The following RANBP2 variants were observed in gnomAD, a reference collection of about 807,000 sequenced individuals.
RANBP2 encodes the protein E3 SUMO-protein ligase RanBP2.
Under a neutral mutation model 303.6 loss-of-function variants are expected in RANBP2, and 57 were observed. That is an observed-to-expected ratio of 0.19 (90% CI 0.15 to 0.23). RANBP2 has a LOEUF of 0.23. Ranked by LOEUF, RANBP2 falls within the 10% of genes least tolerant of loss-of-function variation. RANBP2 has a pLI of 1.00. For missense variants in RANBP2, 3,138 were observed against 3,780.8 expected, an observed-to-expected ratio of 0.83 and a Z score of 4.46; for synonymous variants, 1,167 against 1,301.5, an observed-to-expected ratio of 0.90 and a Z score of 2.23.
At chr2:109,148,528 T>C in the RANBP2 span, among the ~76,000 whole-genome samples, 2 of 152,250 alleles carry the variant, frequency 1.3e-5, no homozygotes, top group Non-Finnish European at 2.9e-5. Flanking sequence ...AGTAATTGGC[T>C]CTGGGGAATA....
At chr2:108,976,163 AC>A in the RANBP2 span, among the ~76,000 whole-genome samples, 1 of 152,098 alleles carries the variant, frequency 6.6e-6, no homozygotes, top group Non-Finnish European at 1.5e-5. Flanking sequence ...ATCCCACTTT[AC>A]ATTTAATCAT....
the RANBP2 span, among the ~76,000 whole-genome samples, chr2:109,620,517 C>T: frequency 6.6e-6 from 1 of 152,288 alleles, no homozygotes; most frequent in African/African-American, 2.4e-5. Context: ...GCCTGGCCAA[C>T]ATGGTGAAAC....
the RANBP2 span, among the ~76,000 whole-genome samples, chr2:109,379,621 T>C: frequency 2.5e-4 from 38 of 152,350 alleles, no homozygotes; most frequent in African/African-American, 8.7e-4. Flanking sequence ...ATTTTATTTT[T>C]CTTGCTTTTC....
the RANBP2 span, among the ~76,000 whole-genome samples, chr2:109,267,955 C>G: frequency 6.6e-6 from 1 of 151,968 alleles, no homozygotes; most frequent in Non-Finnish European, 1.5e-5. Context: ...GGACAGAGCA[C>G]CCCAGCTCTC....
the RANBP2 span, among the ~76,000 whole-genome samples, chr2:109,659,671 TA>T: frequency 6.6e-6 from 1 of 152,140 alleles, no homozygotes; most frequent in African/African-American, 2.4e-5. Context: ...AAACAATTCC[TA>T]GGTTAGAAAA....
the RANBP2 span, among the ~76,000 whole-genome samples, chr2:109,724,082 G>T: frequency 9.9e-5 from 15 of 152,100 alleles, no homozygotes; most frequent in Non-Finnish European, 1.6e-4. Flanking sequence ...GGTTGTAGGT[G>T]TGCAGTCTTA....
the RANBP2 span, among the ~76,000 whole-genome samples, chr2:108,958,443 C>A: frequency 1.2e-3 from 186 of 152,004 alleles, 1 homozygote; most frequent in African/African-American, 4.3e-3. Flanking sequence ...ACAAAAAAAA[C>A]CCCAGGGCAG....
the RANBP2 span, among the ~76,000 whole-genome samples, chr2:109,053,469 C>T: frequency 2.6e-5 from 4 of 152,162 alleles, no homozygotes; most frequent in African/African-American, 9.7e-5. Context: ...ATGTTCCTCC[C>T]GGGTTATAAA....
the RANBP2 span, among the ~76,000 whole-genome samples, chr2:109,640,576 A>G: frequency 6.6e-6 from 1 of 152,126 alleles, no homozygotes; most frequent in Non-Finnish European, 1.5e-5. Flanking sequence ...TTCTGGACAG[A>G]CTTAAGCCTG....
the RANBP2 span, among the ~76,000 whole-genome samples, chr2:109,628,810 T>C: frequency 6.8e-6 from 1 of 147,236 alleles, no homozygotes; most frequent in Non-Finnish European, 1.5e-5. Flanking sequence ...CAGTAGATTT[T>C]TTTTAACCTT....
At chr2:109,085,256 A>G in the RANBP2 span, among the ~76,000 whole-genome samples, 1 of 152,180 alleles carries the variant, frequency 6.6e-6, no homozygotes, top group African/African-American at 2.4e-5. Flanking sequence ...CAGTTAATCC[A>G]GTTTTTGTAT....
At chr2:109,351,819 A>G in the RANBP2 span, among the ~76,000 whole-genome samples, 2 of 151,842 alleles carry the variant, frequency 1.3e-5, no homozygotes, top group African/African-American at 4.8e-5. Context: ...CCCTCATCTC[A>G]CCCTCGATTT....
the RANBP2 span, among the ~76,000 whole-genome samples, chr2:108,943,915 T>C: frequency 6.6e-6 from 1 of 152,174 alleles, no homozygotes; most frequent in East Asian, 1.9e-4. Flanking sequence ...CTCAGTTACG[T>C]TGCTTCCAAA....
At chr2:108,871,638 T>A in the RANBP2 span, among the ~76,000 whole-genome samples, 1 of 152,246 alleles carries the variant, frequency 6.6e-6, no homozygotes, top group Admixed American at 6.5e-5. Context: ...TGGTAAAATA[T>A]TCATAACATA....
the RANBP2 span, among the ~76,000 whole-genome samples, chr2:109,255,793 A>G: frequency 2.0e-5 from 3 of 152,242 alleles, no homozygotes; most frequent in Non-Finnish European, 2.9e-5. Flanking sequence ...AGACAAGGAA[A>G]TGAAACCGCC....
chr2:108,903,449 AT>A, the RANBP2 span, among the ~76,000 whole-genome samples: 1 of 152,176 alleles, frequency 6.6e-6, no homozygotes, highest in African/African-American at 2.4e-5. Flanking sequence ...TGAAAAAAAA[AT>A]AAAGGAAAAT....
At chr2:109,563,556 T>C in the RANBP2 span, among the ~76,000 whole-genome samples, 3 of 152,344 alleles carry the variant, frequency 2.0e-5, no homozygotes, top group South Asian at 6.2e-4. Flanking sequence ...TTCAGTACAC[T>C]AAGGATTTGA....
At chr2:109,714,076 G>T in the RANBP2 span, among the ~76,000 whole-genome samples, 3 of 152,228 alleles carry the variant, frequency 2.0e-5, no homozygotes, top group African/African-American at 7.2e-5. Flanking sequence ...CTACATGGAG[G>T]TTCTTTTTTA....
the RANBP2 span, among the ~76,000 whole-genome samples, chr2:109,688,101 G>A: frequency 6.6e-6 from 1 of 152,120 alleles, no homozygotes; most frequent in Non-Finnish European, 1.5e-5. Flanking sequence ...ATGCCTGGCT[G>A]GGAAACTGCT....
Sources: gnomAD v4.1 joint callset for allele counts (sites outside exome capture counted in the v4.1 genomes callset) on GRCh38, gnomAD v4.1.1 for gene constraint, MANE v1.5 for transcripts, NCBI Gene and HGNC (gene_info 2026-07-23, HGNC 2026-07-21) for gene names.